The following LIPA variants were observed in gnomAD, a reference collection of about 807,000 sequenced individuals.
LIPA encodes lipase A, lysosomal acid type.
Under a neutral mutation model 40.6 loss-of-function variants are expected in LIPA, and 26 were observed. That is an observed-to-expected ratio of 0.64 (90% CI 0.47 to 0.89). The LOEUF (loss-of-function observed/expected upper bound fraction) is 0.89, where lower values mean the gene tolerates loss of function less well. Ranked by LOEUF, LIPA falls within the 40% of genes least tolerant of loss-of-function variation. The pLI is 0.00. For synonymous variants in LIPA, 188 were observed against 168.4 expected (o/e 1.12, Z -0.90); for missense variants, 455 against 479.6 (o/e 0.95, Z 0.48).
At chr10:89,292,876 T>C (rs2133509697) in intron 1 of LIPA, among the ~76,000 whole-genome samples, 1 of 151,976 alleles carries the variant, frequency 6.6e-6, no homozygotes, top group Middle Eastern at 3.4e-3. Flanking sequence ...TTCAAACTCC[T>C]GGCCTCAAGC....
intron 1 of LIPA, among the ~76,000 whole-genome samples, chr10:89,274,822 C>A (rs1656102579): frequency 6.6e-6 from 1 of 152,178 alleles, no homozygotes; most frequent in African/African-American, 2.4e-5. Flanking sequence ...TTTCTTCCTC[C>A]TATAACACAC....
In LIPA at chr10:89,314,561, G is replaced by A. The variant is rs143364607; in HGVS notation, c.-2+28050C>T. 3.9e-5 allele frequency: 6 copies of A among 152,288 alleles called. No individual in the cohort carries two copies. The East Asian group carries it at 7.7e-4, about 20-fold the overall frequency. 9.4% of individuals were successfully genotyped at this position (152,288 alleles called of 1,614,324 possible). ...TGGGTACCTGCAGTCCCAACTATTC[G>A]GGAGGCTGAGGCAGGTGAATTTCTT... On this transcript the variant is annotated intron_variant, in intron 1 of 5. Coordinates refer to the LIPA transcript ENST00000282673.
chr10:89,360,999 TGTGCCTGA>T (rs1242676917), intron 2 of LIPA, among the ~76,000 whole-genome samples: 1 of 152,194 alleles, frequency 6.6e-6, no homozygotes, highest in East Asian at 1.9e-4. Flanking sequence ...TCCCTCCGTG[TGTGCCTGA>T]CTCTGTCTCA....
intron 8 of LIPA, among the ~76,000 whole-genome samples, chr10:89,217,279 C>A (rs1842640383): frequency 6.6e-6 from 1 of 152,190 alleles, no homozygotes; most frequent in Admixed American, 6.5e-5. Context: ...TAATAAAAGA[C>A]AGAGTGAGAT....
At chr10:89,408,554 T>G (rs1200557296) in intron 2 of LIPA, among the ~76,000 whole-genome samples, 5 of 152,204 alleles carry the variant, frequency 3.3e-5, no homozygotes, top group African/African-American at 1.2e-4. Flanking sequence ...GGGCTATTGG[T>G]TATGTACCCT....
chr10:89,285,874 C>T (rs1314192596), intron 1 of LIPA, among the ~76,000 whole-genome samples: 1 of 151,930 alleles, frequency 6.6e-6, no homozygotes, highest in African/African-American at 2.4e-5. Flanking sequence ...GTGTCTCTAC[C>T]CTCTCTTTTC....
chr10:89,379,863 C>T (rs1844149587), intron 2 of LIPA, among the ~76,000 whole-genome samples: 2 of 151,994 alleles, frequency 1.3e-5, no homozygotes, highest in Non-Finnish European at 1.5e-5. Flanking sequence ...TGAAACCCCG[C>T]CTCTTCTAAA....
chr10:89,356,024 A>G (rs780164979), intron 2 of LIPA, among the ~76,000 whole-genome samples: 7 of 152,214 alleles, frequency 4.6e-5, no homozygotes, highest in Non-Finnish European at 8.8e-5. Context: ...TGCTCTGCCT[A>G]TGGAGTAGGC....
intron 1 of LIPA, among the ~76,000 whole-genome samples, chr10:89,293,890 T>C (rs1405952809): frequency 6.6e-6 from 1 of 152,210 alleles, no homozygotes; most frequent in Non-Finnish European, 1.5e-5. Flanking sequence ...ATGATGAATT[T>C]TGGGAAAGGA....
intron 2 of LIPA, among the ~76,000 whole-genome samples, chr10:89,386,962 TGTGTGTGTGTGA>T (rs1002010734): frequency 8.8e-5 from 7 of 79,996 alleles, no homozygotes; most frequent in Non-Finnish European, 1.4e-4. Context: ...TGTGTGTGTG[TGTGTGTGTGTGA>T]GAGAGAGAGA....
intron 3 of LIPA, among the ~76,000 whole-genome samples, chr10:89,234,176 G>C (rs1166051809): frequency 3.3e-5 from 5 of 152,242 alleles, no homozygotes. Flanking sequence ...GATGAATAAA[G>C]AGCTGACACT....
intron 1 of LIPA, among the ~76,000 whole-genome samples, chr10:89,298,083 G>C (rs1027597035): frequency 5.3e-5 from 8 of 152,334 alleles, no homozygotes; most frequent in African/African-American, 1.9e-4. Context: ...CAGAACCCAA[G>C]GGTTTGTCCC....
intron 1 of LIPA, among the ~76,000 whole-genome samples, chr10:89,413,677 G>T (rs999397669): frequency 1.9e-4 from 29 of 151,884 alleles, no homozygotes; most frequent in East Asian, 3.9e-4. Flanking sequence ...TGAGGTGGGA[G>T]GATCGCTTGA....
At chr10:89,338,917 C>A (rs1843795197) in intron 1 of LIPA, 1 of 1,614,134 alleles carries the variant, frequency 6.2e-7, no homozygotes, top group Non-Finnish European at 8.5e-7. Flanking sequence ...ACATGCTGAC[C>A]AAGCAGAAAT....
intron 1 of LIPA, chr10:89,278,496 A>G (rs1044849248): frequency 6.6e-6 from 1 of 152,232 alleles, no homozygotes; most frequent in African/African-American, 2.4e-5. Flanking sequence ...AATCCTTACA[A>G]TAAACATCTG....
In LIPA at chr10:89,376,068, G is replaced by A. The variant is rs138972171; in HGVS notation, c.61+36723C>T. ...CTGGGTATGGTGGTGCACACCTGTAGTGCCAGCTACTCTGGAGGCTGAGGC... is the reference window on the plus strand; with the variant it reads ...CTGGGTATGGTGGTGCACACCTGTAATGCCAGCTACTCTGGAGGCTGAGGC... On this transcript the variant is annotated intron_variant, in intron 2 of 8. Transcript: ENST00000371837. Among the ~76,000 whole-genome samples, 261 of 151,760 alleles carry A rather than the reference G, an allele frequency of 1.7e-3. 5 individuals are homozygous for A. The East Asian group carries it at 0.043, about 25-fold the overall frequency.
intron 7 of LIPA, among the ~76,000 whole-genome samples, 160 bp downstream of exon 7, chr10:89,223,524 C>T (rs1000317057): frequency 2.0e-5 from 3 of 152,076 alleles, no homozygotes; most frequent in Non-Finnish European, 2.9e-5. Context: ...CAGGTGGTAC[C>T]GTATTCTAGG....
chr10:89,228,299 T>G lies in LIPA; in HGVS notation c.329A>C (p.Asp110Ala). 6.2e-7 allele frequency: 1 copy of G among 1,614,200 alleles called. No individual in the cohort carries two copies. Among genetic ancestry groups the G allele is most frequent in the Non-Finnish European group, 8.5e-7 (1 of 1,180,030 alleles). The change falls in exon 4 of 10, where the codon GAT becomes GCT. Residue 110 changes from aspartate to alanine, a missense_variant. Coordinates refer to ENST00000336233, the MANE Select transcript of LIPA (RefSeq NM_000235.4). The stretch of plus-strand genomic sequence containing the variant: ...GCCCATCCACACGTCAAAACCAGCA[T>G]CAGCAAGAATGAAGCCCAGGCTGCT... ...ANSSLGFILA[D>A]AGFDVWMGNS...
intron 2 of LIPA, among the ~76,000 whole-genome samples, chr10:89,372,311 C>T (rs1168495922): frequency 2.0e-5 from 3 of 152,226 alleles, no homozygotes; most frequent in African/African-American, 7.2e-5. Flanking sequence ...GTCAGACCTG[C>T]TCACAGACTA....
Sources: gnomAD v4.1 joint callset for allele counts (sites outside exome capture counted in the v4.1 genomes callset) on GRCh38, gnomAD v4.1.1 for gene constraint, MANE v1.5 for transcripts, NCBI Gene and HGNC (gene_info 2026-07-23, HGNC 2026-07-21) for gene names.